PCNX2: variants seen among roughly 807,000 people sequenced by gnomAD.
The protein encoded by PCNX2 is pecanex 2.
Under a neutral mutation model 223.8 loss-of-function variants are expected in PCNX2, and 168 were observed. The observed-to-expected ratio is 0.75, with a 90% CI of 0.66 to 0.85. The LOEUF is 0.85. Among genes scored for constraint, PCNX2 ranks in the 40% least tolerant of loss-of-function variants. The probability of loss-of-function intolerance (pLI) is 0.00; values close to 1 mark genes in which losing one functional copy is unlikely to be tolerated. For synonymous variants in PCNX2, 1,006 were observed against 1,052.6 expected (o/e 0.96, Z 0.86); for missense variants, 2,507 against 2,675.5 (o/e 0.94, Z 1.39).
At chr1:232,996,941 T>C (rs747333300) in intron 32 of PCNX2, among the ~76,000 whole-genome samples, 3 of 152,050 alleles carry the variant, frequency 2.0e-5, no homozygotes, top group Non-Finnish European at 2.9e-5. Context: ...GTTTACTTTA[T>C]GTAAAAATGC....
At chr1:233,217,958 G>A (rs1657081378) in intron 11 of PCNX2, 27 bp from the exon 12 acceptor site, 2 of 1,613,706 alleles carry the variant, frequency 1.2e-6, no homozygotes, top group Non-Finnish European at 1.7e-6. Flanking sequence ...AAGTGTCTGT[G>A]TCATCATCTC....
chr1:233,188,534 T>A (rs1356653665), intron 15 of PCNX2, among the ~76,000 whole-genome samples: 1 of 152,106 alleles, frequency 6.6e-6, no homozygotes, highest in Non-Finnish European at 1.5e-5. Flanking sequence ...GTAATCTCCA[T>A]TTTTTTGAGA....
intron 26 of PCNX2, chr1:233,018,909 C>T (rs1042099814): frequency 3.8e-5 from 37 of 985,238 alleles, no homozygotes; most frequent in South Asian, 4.7e-5. Context: ...AAGCAGAAAA[C>T]GAATATTGGG....
intron 26 of PCNX2, chr1:233,019,043 C>G: frequency 1.0e-6 from 1 of 985,346 alleles, no homozygotes; most frequent in Non-Finnish European, 1.2e-6. Context: ...GAAATAAAAC[C>G]CAGAGCTCAA....
At chr1:233,102,243 T>C (rs1674525218) in intron 21 of PCNX2, among the ~76,000 whole-genome samples, 1 of 152,194 alleles carries the variant, frequency 6.6e-6, no homozygotes, top group African/African-American at 2.4e-5. Context: ...TAAATTCCAT[T>C]GTGTATATAT....
the PCNX2 span, among the ~76,000 whole-genome samples, chr1:233,323,301 A>G: frequency 2.0e-5 from 3 of 152,334 alleles, no homozygotes; most frequent in South Asian, 6.2e-4. Flanking sequence ...TTTGTGTACT[A>G]TCATACTAAA....
intron 26 of PCNX2, chr1:233,018,744 C>T (rs973429521): frequency 1.0e-6 from 1 of 985,072 alleles, no homozygotes; most frequent in Non-Finnish European, 1.2e-6. Flanking sequence ...AGGGGCACCC[C>T]TGGAATGAGG....
At chr1:233,114,260 C>CA (rs536717941) in intron 21 of PCNX2, among the ~76,000 whole-genome samples, 136 of 152,046 alleles carry the variant, frequency 8.9e-4, no homozygotes, top group Middle Eastern at 3.4e-3. Context: ...AGCAAAGGCT[C>CA]AAAAAAGGAT....
At chr1:232,993,608 A>G (rs945703192) in intron 32 of PCNX2, among the ~76,000 whole-genome samples, 1 of 152,262 alleles carries the variant, frequency 6.6e-6, no homozygotes, top group African/African-American at 2.4e-5. Context: ...CGCTGCAGAA[A>G]TTTGCATAAG....
intron 15 of PCNX2, among the ~76,000 whole-genome samples, chr1:233,196,222 A>G (rs1299452790): frequency 1.3e-5 from 2 of 152,148 alleles, no homozygotes. Context: ...GAGATTTCAA[A>G]TCTAAATATA....
At chr1:233,290,837 G>C in intron 1 of PCNX2, 1 of 985,442 alleles carries the variant, frequency 1.0e-6, no homozygotes, top group Non-Finnish European at 1.2e-6. Context: ...TCCAGCCATA[G>C]AACGAAAGAC....
Position 233,295,592 on chromosome 1 carries a change from GC to G in PCNX2, c.-115del. 8.7e-7 allele frequency: 1 copy of G among 1,149,112 alleles called. No homozygotes were observed. Among genetic ancestry groups the G allele is most frequent in the Non-Finnish European group, 1.1e-6 (1 of 900,828 alleles). 71.2% of individuals were successfully genotyped at this position (1,149,112 alleles called of 1,614,324 possible). On this transcript the variant is annotated 5_prime_UTR_variant, in exon 1 of 34. An upstream open reading frame in the 5' UTR loses its in-frame stop. Transcript: ENST00000258229. The surrounding 1 kb of genome is among the most constrained non-coding windows in gnomAD (Gnocchi z 4.1). The stretch of plus-strand genomic sequence containing the variant: ...GCCCGCGGGCCGCGCCCCCGCCGTC[GC>G]CGCCGCCGTCGCCCCCGCCGCCTCC...
chr1:233,105,915 G>T (rs1674743489), intron 21 of PCNX2, among the ~76,000 whole-genome samples: 1 of 152,126 alleles, frequency 6.6e-6, no homozygotes, highest in Non-Finnish European at 1.5e-5. Flanking sequence ...AAACTCAAAG[G>T]TCTCCTCTGG....
At chr1:233,084,526 T>C (rs936053187) in intron 23 of PCNX2, among the ~76,000 whole-genome samples, 1 of 152,256 alleles carries the variant, frequency 6.6e-6, no homozygotes, top group Non-Finnish European at 1.5e-5. Context: ...CATCTAGCGC[T>C]GTAGGTCTAA....
intron 26 of PCNX2, among the ~76,000 whole-genome samples, chr1:233,023,108 T>C (rs889761233): frequency 6.6e-6 from 1 of 152,156 alleles, no homozygotes; most frequent in Non-Finnish European, 1.5e-5. Context: ...GCCACTTGCT[T>C]CACGGGCCTG....
At chr1:233,086,893 T>G (rs1470905139) in intron 23 of PCNX2, 1 of 477,380 alleles carries the variant, frequency 2.1e-6, no homozygotes, top group Non-Finnish European at 2.7e-6. Context: ...TGCAGGCTTT[T>G]GAGGAGAAGA....
rs369656226 is a variant in PCNX2 at position 233,217,908 on chromosome 1, T to C, written c.2682A>G (p.Ser894=). 1.9e-5 allele frequency: 30 copies of C among 1,613,750 alleles called. No individual in the cohort carries two copies. The highest frequency in any genetic ancestry group is 2.3e-5 in the Non-Finnish European group (27 of 1,179,868). Residue 894 remains serine, a synonymous_variant, in exon 12 of 34, where the codon TCA becomes TCG. Coordinates refer to ENST00000258229, the MANE Select transcript of PCNX2 (RefSeq NM_014801.4). Reference sequence around the variant, plus strand: ...GTATTTGGAAACTTACGTGTATTGGTGAGGCGGGGTCAGGCTGAACACTCT... The same window carrying C: ...GTATTTGGAAACTTACGTGTATTGGCGAGGCGGGGTCAGGCTGAACACTCT... ...LLKSVQPDPA[S]PIHGHNQIIT...
At chr1:233,041,999 A>G (rs1558183013) in intron 25 of PCNX2, among the ~76,000 whole-genome samples, 1 of 152,248 alleles carries the variant, frequency 6.6e-6, no homozygotes, top group Non-Finnish European at 1.5e-5. Context: ...CTATGGATAT[A>G]GGGTTTATAA....
chr1:233,113,421 C>T (rs1198568630), intron 21 of PCNX2, among the ~76,000 whole-genome samples: 3 of 152,182 alleles, frequency 2.0e-5, no homozygotes, highest in African/African-American at 7.2e-5. Flanking sequence ...ACTCCCTTCC[C>T]CCACCACTAT....
Sources: allele counts gnomAD v4.1 joint callset (sites outside exome capture counted in the v4.1 genomes callset), GRCh38; gene constraint gnomAD v4.1.1; non-coding constraint Gnocchi (gnomAD v3.1); transcripts MANE v1.5; gene names NCBI Gene and HGNC (gene_info 2026-07-23, HGNC 2026-07-21).